The following ADCY2 variants were observed in gnomAD, a reference collection of about 807,000 sequenced individuals.
The protein encoded by ADCY2 is adenylate cyclase type 2.
In ADCY2, 31 loss-of-function variants were observed where a neutral mutation model predicts 125.2. The ratio of observed to expected loss-of-function variants is 0.25; its 90% confidence interval spans 0.19 to 0.33. The LOEUF is 0.33. Among genes scored for constraint, ADCY2 ranks in the 10% least tolerant of loss-of-function variants. The pLI is 1.00. For missense variants in ADCY2, 904 were observed against 1,418.2 expected (o/e 0.64, Z 5.82); for synonymous variants, 512 against 548.4 (o/e 0.93, Z 0.93).
intron 2 of ADCY2, among the ~76,000 whole-genome samples, chr5:7,443,765 A>G (rs568605014): frequency 6.6e-6 from 1 of 151,768 alleles, no homozygotes; most frequent in African/African-American, 2.4e-5. Context: ...ATTGAGTGCT[A>G]AGATTTTTTT....
chr5:7,746,737 A>G (rs551013245), intron 15 of ADCY2, among the ~76,000 whole-genome samples: 26 of 152,366 alleles, frequency 1.7e-4, no homozygotes, highest in African/African-American at 6.0e-4. Flanking sequence ...CTTCGATGCC[A>G]AAGACAGTAT....
At chr5:7,793,714 G>A (rs1744331929) in intron 20 of ADCY2, 2 of 152,228 alleles carry the variant, frequency 1.3e-5, no homozygotes, top group Non-Finnish European at 2.9e-5. Context: ...AATAAAGAAG[G>A]TGAACCCCTT....
At chr5:7,683,978 T>C (rs1315494905) in intron 4 of ADCY2, among the ~76,000 whole-genome samples, 3 of 152,146 alleles carry the variant, frequency 2.0e-5, no homozygotes, top group South Asian at 2.1e-4. Flanking sequence ...CTGTACCTTA[T>C]GTTGAGGGTT....
chr5:7,522,029 T>C (rs1475904547), intron 3 of ADCY2, among the ~76,000 whole-genome samples: 3 of 152,178 alleles, frequency 2.0e-5, no homozygotes, highest in African/African-American at 7.2e-5. Flanking sequence ...ATATGGCTCC[T>C]CTCTGCATTG....
Position 7,789,758 on chromosome 5 carries a change from G to T in ADCY2, c.2586G>T (p.Ala862=). ...NRVLLENVLP[A]HVAEHFLARS... ...TGCTGCTGGAGAACGTGCTTCCCGC[G>T]CACGTGGCTGAGCACTTCCTGGCCA... The change falls in exon 20 of 25, where the codon GCG becomes GCT. Residue 862 remains alanine (A), a synonymous_variant. Coordinates refer to ENST00000338316, the MANE Select transcript of ADCY2 (RefSeq NM_020546.3). 6.3e-7 allele frequency: 1 copy of T among 1,593,338 alleles called. No homozygotes were observed. The highest frequency in any genetic ancestry group is 8.6e-7 in the Non-Finnish European group (1 of 1,169,408).
At chr5:7,625,292 A>C (rs1738083485) in intron 3 of ADCY2, among the ~76,000 whole-genome samples, 2 of 152,232 alleles carry the variant, frequency 1.3e-5, no homozygotes, top group Admixed American at 1.3e-4. Flanking sequence ...GAGCTAAAAA[A>C]TATTTTATTA....
At chr5:7,673,251 A>T in intron 4 of ADCY2, among the ~76,000 whole-genome samples, 1 of 18,786 alleles carries the variant, frequency 5.3e-5, no homozygotes, top group African/African-American at 1.7e-4. Context: ...AAAAAAAAAA[A>T]AAAAAAAAAA....
chr5:7,798,379 C>G (rs1579448818), intron 20 of ADCY2: 2 of 152,256 alleles, frequency 1.3e-5, no homozygotes, highest in South Asian at 2.1e-4. Flanking sequence ...GCTGTCCTGC[C>G]TCGCAGCCTC....
intron 2 of ADCY2, among the ~76,000 whole-genome samples, chr5:7,443,787 C>T (rs1741113263): frequency 1.3e-5 from 2 of 151,646 alleles, no homozygotes; most frequent in Admixed American, 6.6e-5. Flanking sequence ...TTGCTGTCTC[C>T]ATTCTAAGGA....
At chr5:7,785,826 T>C (rs1286060380) in intron 19 of ADCY2, among the ~76,000 whole-genome samples, 1 of 152,198 alleles carries the variant, frequency 6.6e-6, no homozygotes, top group East Asian at 1.9e-4. Context: ...GCAGCAAATT[T>C]TAAGAAACTC....
intron 4 of ADCY2, among the ~76,000 whole-genome samples, chr5:7,657,680 G>A (rs571737798): frequency 1.2e-4 from 18 of 152,284 alleles, no homozygotes; most frequent in South Asian, 2.1e-4. Flanking sequence ...CGAAACACAC[G>A]TGAGGGTTAA....
At chr5:7,466,548 G>A (rs188868500) in intron 2 of ADCY2, among the ~76,000 whole-genome samples, 1 of 152,316 alleles carries the variant, frequency 6.6e-6, no homozygotes, top group East Asian at 1.9e-4. Context: ...GCCAGCTCCA[G>A]AGCCTCTGTC....
chr5:7,599,486 A>C (rs1231322212), intron 3 of ADCY2, among the ~76,000 whole-genome samples: 1 of 152,086 alleles, frequency 6.6e-6, no homozygotes, highest in Non-Finnish European at 1.5e-5. Flanking sequence ...AATTTTAGGG[A>C]AGGAAGATGG....
chr5:7,516,422 G>A (rs1010881214), intron 2 of ADCY2, among the ~76,000 whole-genome samples: 1 of 151,956 alleles, frequency 6.6e-6, no homozygotes, highest in African/African-American at 2.4e-5. Context: ...TAGGAATTCC[G>A]GGCTTAACAT....
chr5:7,685,345 C>T (rs1740484130), intron 4 of ADCY2: 1 of 152,236 alleles, frequency 6.6e-6, no homozygotes, highest in African/African-American at 2.4e-5. Context: ...ACATGGAGGC[C>T]TTCAACTCCT....
intron 2 of ADCY2, among the ~76,000 whole-genome samples, chr5:7,432,529 T>C (rs1225689832): frequency 6.6e-6 from 1 of 152,138 alleles, no homozygotes; most frequent in Non-Finnish European, 1.5e-5. Context: ...ACCTTCGTGC[T>C]CCATCCCACG....
rs1212076412 is a variant in ADCY2, at chr5:7,482,787, TATATAC to T, written c.409-37949_409-37944del. 1.6e-3 allele frequency among the ~76,000 whole-genome samples: 235 copies of T among 143,558 alleles called. 1 individual carries two copies. Among genetic ancestry groups the T allele is most frequent in the Non-Finnish European group, 2.5e-3 (170 of 67,050 alleles). 94.2% of individuals were successfully genotyped at this position (143,558 alleles called of 152,430 possible). On this transcript the variant is annotated intron_variant, in intron 2 of 24. Coordinates refer to ENST00000338316, the MANE Select transcript of ADCY2 (RefSeq NM_020546.3). ...AATGTGATATATATATATATATATATATATACACACACACATACATATATACATATA... is the reference window on the plus strand; with the variant it reads ...AATGTGATATATATATATATATATATACACACACATACATATATACATATA...
intron 3 of ADCY2, among the ~76,000 whole-genome samples, chr5:7,615,496 A>T (rs1264908687): frequency 6.6e-6 from 1 of 152,230 alleles, no homozygotes; most frequent in Non-Finnish European, 1.5e-5. Context: ...GAGCACAGAA[A>T]GGAAGTATCT....
chr5:7,401,360 C>G (rs576565693), intron 1 of ADCY2, among the ~76,000 whole-genome samples: 17 of 152,290 alleles, frequency 1.1e-4, no homozygotes, highest in African/African-American at 4.1e-4. Context: ...GCAACTGCTA[C>G]GCTGTCACAG....
Sources: gnomAD v4.1 joint callset for allele counts (sites outside exome capture counted in the v4.1 genomes callset) on GRCh38, gnomAD v4.1.1 for gene constraint, MANE v1.5 for transcripts, NCBI Gene and HGNC (gene_info 2026-07-23, HGNC 2026-07-21) for gene names.